GTF2F2: variants seen among roughly 807,000 people sequenced by gnomAD.
GTF2F2 encodes general transcription factor IIF subunit 2, also known as ATP-dependent helicase GTF2F2.
GTF2F2 carries 23 observed loss-of-function variants against 42.2 expected under a neutral mutation model. That is an observed-to-expected ratio of 0.55 (90% CI 0.39 to 0.77). GTF2F2 has a LOEUF of 0.77. GTF2F2 is among the 30% of genes least tolerant of loss of function. GTF2F2 has a pLI of 0.00. For synonymous variants in GTF2F2, 105 were observed against 100.8 expected, an observed-to-expected ratio of 1.04 and a Z score of -0.25; for missense variants, 261 against 287.2, an observed-to-expected ratio of 0.91 and a Z score of 0.66.
At chr13:45,212,854 A>C (rs991019173) in intron 5 of GTF2F2, among the ~76,000 whole-genome samples, 3 of 150,628 alleles carry the variant, frequency 2.0e-5, no homozygotes, top group Admixed American at 6.6e-5. Context: ...CGATTCTCCC[A>C]CCTCAGCCTC....
intron 4 of GTF2F2, among the ~76,000 whole-genome samples, chr13:45,178,190 T>C (rs1871976577): frequency 6.6e-6 from 1 of 151,988 alleles, no homozygotes; most frequent in Non-Finnish European, 1.5e-5. Context: ...AGTTTCTTTG[T>C]ATCTTCTGTG....
intron 5 of GTF2F2, among the ~76,000 whole-genome samples, chr13:45,235,155 T>C (rs984123661): frequency 6.6e-6 from 1 of 151,888 alleles, no homozygotes; most frequent in Non-Finnish European, 1.5e-5. Flanking sequence ...GTAGTAATTA[T>C]TGTCAACACT....
At chr13:45,193,690 A>C in intron 4 of GTF2F2, 16 of 1,116,378 alleles carry the variant, frequency 1.4e-5, no homozygotes, top group Non-Finnish European at 1.9e-5. Context: ...TCTGTAGTAC[A>C]GAGCTAGCTG....
intron 7 of GTF2F2, among the ~76,000 whole-genome samples, chr13:45,270,532 C>T (rs1225670404): frequency 6.6e-6 from 1 of 152,124 alleles, no homozygotes; most frequent in East Asian, 1.9e-4. Context: ...ACCAATTTCA[C>T]TCCCATGATA....
Position 45,235,475 on chromosome 13 carries a change from CT to C in GTF2F2, c.387-17383del, listed in dbSNP as rs921950407. Among the ~76,000 whole-genome samples the C allele has an allele frequency of 8.1e-4, 117 of 145,162 alleles. 2 individuals carry two copies. Among genetic ancestry groups the C allele is most frequent in the South Asian group, 2.7e-3 (12 of 4,520 alleles). On this transcript the variant is annotated intron_variant, in intron 5 of 7. Transcript: ENST00000340473. ...GACATATGTAGTGGGAGGCACTTATCTTTTTTTTTTTTTCTAATGTTTGATT... is the reference window on the plus strand; with the variant it reads ...GACATATGTAGTGGGAGGCACTTATCTTTTTTTTTTTTCTAATGTTTGATT...
chr13:45,251,473 G>A (rs987315360), intron 5 of GTF2F2, among the ~76,000 whole-genome samples: 1 of 152,030 alleles, frequency 6.6e-6, no homozygotes, highest in Non-Finnish European at 1.5e-5. Context: ...TTAAGAAAGT[G>A]TACTTCTTCA....
intron 4 of GTF2F2, among the ~76,000 whole-genome samples, chr13:45,179,190 C>G (rs1341590596): frequency 6.6e-6 from 1 of 152,192 alleles, no homozygotes; most frequent in African/African-American, 2.4e-5. Flanking sequence ...GACCCCACCT[C>G]TTGATGAAAC....
rs1053944229 is a variant in GTF2F2, at chr13:45,283,644, G to T, written c.*83G>T. ...GCTGATACTGGAAGGCTTGAACACCGTATGTTAATAGGGGTTAAGTGACAG... is the reference window on the plus strand; with the variant it reads ...GCTGATACTGGAAGGCTTGAACACCTTATGTTAATAGGGGTTAAGTGACAG... On this transcript the variant is annotated 3_prime_UTR_variant, in exon 8 of 8. Transcript: ENST00000340473. 3 of 1,191,208 alleles carry T rather than the reference G, an allele frequency of 2.5e-6. No homozygotes were observed. The highest frequency in any genetic ancestry group is 1.9e-5 in the South Asian group (1 of 52,290). 73.8% of individuals were successfully genotyped at this position (1,191,208 alleles called of 1,614,324 possible).
chr13:45,155,250 A>C (rs1305923648), intron 4 of GTF2F2, among the ~76,000 whole-genome samples: 1 of 152,212 alleles, frequency 6.6e-6, no homozygotes, highest in Non-Finnish European at 1.5e-5. Context: ...TTTTACAGGG[A>C]GTAAGCTGTT....
At chr13:45,251,748 TAAA>T (rs1875887486) in intron 5 of GTF2F2, among the ~76,000 whole-genome samples, 1 of 152,150 alleles carries the variant, frequency 6.6e-6, no homozygotes, top group African/African-American at 2.4e-5. Context: ...CTATAAATAA[TAAA>T]CATAAGCTTT....
chr13:45,168,676 G>A (rs1170442081), intron 4 of GTF2F2, among the ~76,000 whole-genome samples: 2 of 151,928 alleles, frequency 1.3e-5, no homozygotes, highest in Admixed American at 6.6e-5. Context: ...GCAGTGCCCC[G>A]ATCTCGGTTC....
intron 1 of GTF2F2, among the ~76,000 whole-genome samples, chr13:45,135,650 T>C (rs1209555260): frequency 6.6e-6 from 1 of 152,230 alleles, no homozygotes; most frequent in Non-Finnish European, 1.5e-5. Context: ...GAATTTTTGC[T>C]GTACCAAGGT....
At chr13:45,276,440 T>G (rs868738665) in intron 7 of GTF2F2, among the ~76,000 whole-genome samples, 6 of 53,174 alleles carry the variant, frequency 1.1e-4, no homozygotes, top group Non-Finnish European at 2.1e-4. Flanking sequence ...ACTGCTAGAC[T>G]TTTTTTTTTT....
Position 45,283,554 on chromosome 13 carries a change from G to A in GTF2F2, c.743G>A (p.Ser248Asn), listed in dbSNP as rs770034770. ...AGACACTATCAAGGAGAAGAAAAGA[G>A]TGACTAAGAAGACTCCTAGCCAGCA... ...EYRHYQGEEK[S>N]D The change falls in exon 8 of 8, where the codon AGT becomes AAT. Residue 248 changes from serine to asparagine, a missense_variant. Coordinates refer to ENST00000340473, the MANE Select transcript of GTF2F2 (RefSeq NM_004128.3). 1.2e-6 allele frequency: 2 copies of A among 1,609,212 alleles called. No individual in the cohort carries two copies. The highest frequency in any genetic ancestry group is 1.7e-6 in the Non-Finnish European group (2 of 1,178,040).
chr13:45,167,706 T>G (rs1055391878), intron 4 of GTF2F2, among the ~76,000 whole-genome samples: 31 of 152,062 alleles, frequency 2.0e-4, no homozygotes, highest in African/African-American at 7.5e-4. Context: ...GCCCCCCAGC[T>G]GATTTTTGTG....
chr13:45,179,931 A>G (rs948039245), intron 4 of GTF2F2, among the ~76,000 whole-genome samples: 1 of 152,190 alleles, frequency 6.6e-6, no homozygotes, highest in Non-Finnish European at 1.5e-5. Context: ...ACAAGTTCCC[A>G]AGAGTTTCTT....
intron 6 of GTF2F2, among the ~76,000 whole-genome samples, chr13:45,256,344 A>C (rs1876103135): frequency 6.6e-6 from 1 of 152,142 alleles, no homozygotes; most frequent in Non-Finnish European, 1.5e-5. Flanking sequence ...TTCGTGTCTG[A>C]GATACATACC....
chr13:45,208,224 G>A (rs888851238), intron 5 of GTF2F2, among the ~76,000 whole-genome samples: 1 of 151,926 alleles, frequency 6.6e-6, no homozygotes, highest in Non-Finnish European at 1.5e-5. Flanking sequence ...CATATATACT[G>A]TGTTAGAGAG....
intron 4 of GTF2F2, among the ~76,000 whole-genome samples, chr13:45,201,629 G>T (rs371522249): frequency 1.3e-5 from 2 of 151,954 alleles, no homozygotes; most frequent in East Asian, 3.9e-4. Flanking sequence ...ATTTTCTCTC[G>T]AGTTTTTTCT....
Sources: gnomAD v4.1 joint callset for allele counts (sites outside exome capture counted in the v4.1 genomes callset) on GRCh38, gnomAD v4.1.1 for gene constraint, MANE v1.5 for transcripts, NCBI Gene and HGNC (gene_info 2026-07-23, HGNC 2026-07-21) for gene names.